HCRTR2: variants seen among roughly 807,000 people sequenced by gnomAD.
HCRTR2 encodes orexin receptor type 2.
Under a neutral mutation model 49.0 loss-of-function variants are expected in HCRTR2, and 22 were observed. That is an observed-to-expected ratio of 0.45 (90% confidence interval 0.32 to 0.64). The LOEUF is 0.64. HCRTR2 is among the 30% of genes least tolerant of loss of function. The pLI is 0.04. For missense variants in HCRTR2, 491 were observed against 559.4 expected (o/e 0.88, Z 1.23); for synonymous variants, 236 against 205.3 (o/e 1.15, Z -1.28).
intron 1 of HCRTR2, among the ~76,000 whole-genome samples, chr6:55,135,505 C>G (rs1581789551): frequency 3.3e-5 from 5 of 152,196 alleles, no homozygotes; most frequent in Admixed American, 2.6e-4. Flanking sequence ...TATCTCTCCT[C>G]TCACAAACTC....
intron 1 of HCRTR2, among the ~76,000 whole-genome samples, chr6:55,121,888 T>A (rs1018046237): frequency 2.6e-5 from 4 of 152,132 alleles, no homozygotes; most frequent in Non-Finnish European, 5.9e-5. Context: ...GATTTTTGCA[T>A]CGATGTTCGT....
chr6:55,130,235 G>C (rs1764335872), intron 1 of HCRTR2, among the ~76,000 whole-genome samples: 1 of 151,844 alleles, frequency 6.6e-6, no homozygotes, highest in Non-Finnish European at 1.5e-5. Flanking sequence ...CTCTTCACTT[G>C]TGAATCTCAA....
At chr6:55,136,298 A>C (rs1380730046) in intron 1 of HCRTR2, among the ~76,000 whole-genome samples, 1 of 152,170 alleles carries the variant, frequency 6.6e-6, no homozygotes, top group African/African-American at 2.4e-5. Context: ...GCCTGATTCT[A>C]AACCTTGAAT....
intron 6 of HCRTR2, 73 bp from the exon 7 acceptor site, chr6:55,282,152 G>T: frequency 5.4e-6 from 6 of 1,103,900 alleles, no homozygotes; most frequent in South Asian, 4.0e-5. Context: ...GAGCAACTCA[G>T]TTGTACCCTA....
intron 1 of HCRTR2, among the ~76,000 whole-genome samples, chr6:55,183,755 A>G (rs1765170997): frequency 6.6e-6 from 1 of 152,172 alleles, no homozygotes; most frequent in Non-Finnish European, 1.5e-5. Flanking sequence ...TCTCCAGATA[A>G]TTACTTCCAG....
intron 1 of HCRTR2, among the ~76,000 whole-genome samples, chr6:55,194,304 AT>A (rs766746724): frequency 4.6e-5 from 7 of 152,126 alleles, no homozygotes; most frequent in Non-Finnish European, 7.4e-5. Context: ...AAAATATTTC[AT>A]GTTGCTAAGT....
chr6:55,238,439 G>C (rs571169631), intron 1 of HCRTR2, among the ~76,000 whole-genome samples: 1 of 152,136 alleles, frequency 6.6e-6, no homozygotes, highest in African/African-American at 2.4e-5. Context: ...AGTAATCTTT[G>C]AAAAATAGTA....
chr6:55,262,927 A>G (rs1276264754), intron 3 of HCRTR2, among the ~76,000 whole-genome samples: 1 of 151,334 alleles, frequency 6.6e-6, no homozygotes, highest in African/African-American at 2.4e-5. Flanking sequence ...CATAGGATTA[A>G]TTATAAATAA....
chr6:55,208,949 A>C (rs1426068786), intron 1 of HCRTR2, among the ~76,000 whole-genome samples: 1 of 152,216 alleles, frequency 6.6e-6, no homozygotes. Flanking sequence ...TTCAGAAAGG[A>C]GGTATGAAGT....
chr6:55,162,315 C>T (rs747041665), intron 1 of HCRTR2, among the ~76,000 whole-genome samples: 1 of 152,114 alleles, frequency 6.6e-6, no homozygotes, highest in Non-Finnish European at 1.5e-5. Flanking sequence ...TCTCAATAAG[C>T]TAGGTATCGA....
At chr6:55,253,525 G>A (rs1421804914) in intron 2 of HCRTR2, among the ~76,000 whole-genome samples, 1 of 152,010 alleles carries the variant, frequency 6.6e-6, no homozygotes, top group South Asian at 2.1e-4. Context: ...TTCAATTAAG[G>A]CTCACCACTA....
intron 1 of HCRTR2, among the ~76,000 whole-genome samples, chr6:55,134,806 G>T (rs905503650): frequency 4.0e-5 from 6 of 151,890 alleles, no homozygotes; most frequent in Admixed American, 3.3e-4. Context: ...CAAATGGCAG[G>T]ATTTCCTTCT....
chr6:55,244,070 GAC>G (rs1252276151), intron 1 of HCRTR2, among the ~76,000 whole-genome samples: 3 of 151,998 alleles, frequency 2.0e-5, no homozygotes, highest in Non-Finnish European at 4.4e-5. Flanking sequence ...GAATATGTTT[GAC>G]ACACAGTGAA....
rs191628709 is a variant in HCRTR2 at position 55,199,896 on chromosome 6, G to A, written c.223+25086G>A. Among the ~76,000 whole-genome samples the A allele has an allele frequency of 3.7e-3, 557 of 152,252 alleles. 6 individuals are homozygous for A. Among genetic ancestry groups the A allele is most frequent in the African/African-American group, 0.013 (527 of 41,566 alleles). On this transcript the variant is annotated intron_variant, in intron 1 of 6. Transcript: ENST00000370862. ...TAAATTCATCACAGGTTTATTCACT[G>A]CATACTATCAATGTGCCCAGTACCT...
chr6:55,267,410 T>TG (rs1402442720), intron 4 of HCRTR2, among the ~76,000 whole-genome samples: 1 of 151,570 alleles, frequency 6.6e-6, no homozygotes, highest in Non-Finnish European at 1.5e-5. Flanking sequence ...CTCTGTTTTT[T>TG]TTTTTTTTTT....
chr6:55,191,504 G>T (rs908534599), intron 1 of HCRTR2, among the ~76,000 whole-genome samples: 5 of 152,026 alleles, frequency 3.3e-5, no homozygotes, highest in Non-Finnish European at 7.4e-5. Flanking sequence ...AGAATTGAAG[G>T]GTTGTTATAA....
At chr6:55,265,675 T>A (rs368541019) in intron 4 of HCRTR2, among the ~76,000 whole-genome samples, 2 of 152,148 alleles carry the variant, frequency 1.3e-5, no homozygotes, top group African/African-American at 4.8e-5. Flanking sequence ...ATGGGGAGCT[T>A]CCTACAAGCT....
chr6:55,135,344 G>T (rs981631192), intron 1 of HCRTR2, among the ~76,000 whole-genome samples: 7 of 152,020 alleles, frequency 4.6e-5, no homozygotes, highest in African/African-American at 1.7e-4. Context: ...CCTAAATGTG[G>T]TCTCCCATGA....
At chr6:55,175,676 C>T (rs930704411) in intron 1 of HCRTR2, among the ~76,000 whole-genome samples, 1 of 152,060 alleles carries the variant, frequency 6.6e-6, no homozygotes, top group Non-Finnish European at 1.5e-5. Flanking sequence ...TCCTCGACCC[C>T]TCATCCCCCT....
Sources: allele counts gnomAD v4.1 joint callset (sites outside exome capture counted in the v4.1 genomes callset), GRCh38; gene constraint gnomAD v4.1.1; transcripts MANE v1.5; gene names NCBI Gene and HGNC (gene_info 2026-07-23, HGNC 2026-07-21).